The following STKLD1 variants were observed in gnomAD, a reference collection of about 807,000 sequenced individuals.
The protein encoded by STKLD1 is serine/threonine kinase like domain containing 1.
Under a neutral mutation model 80.4 loss-of-function variants are expected in STKLD1, and 79 were observed. The observed-to-expected ratio is 0.98, with a 90% CI of 0.82 to 1.19. The LOEUF (loss-of-function observed/expected upper bound fraction) is 1.19, where lower values mean the gene tolerates loss of function less well. STKLD1 is among the 50% of genes most tolerant of loss of function. STKLD1 has a pLI of 0.00. For synonymous variants in STKLD1, 393 were observed against 357.6 expected, an observed-to-expected ratio of 1.10 and a Z score of -1.12; for missense variants, 841 against 856.0, an observed-to-expected ratio of 0.98 and a Z score of 0.22.
At chr9:133,382,757 AATG>A (rs1172843797) in intron 2 of STKLD1, among the ~76,000 whole-genome samples, 3 of 109,602 alleles carry the variant, frequency 2.7e-5, no homozygotes, top group Middle Eastern at 7.2e-3. Context: ...TGATGATGGT[AATG>A]ATGGTGATGA....
rs1838217048 is a variant in STKLD1, at chr9:133,384,296, C to T, written c.219+396C>T. 5.5e-6 allele frequency: 1 copy of T among 180,808 alleles called. No individual in the cohort carries two copies. The highest frequency in any genetic ancestry group is 1.1e-4 in the South Asian group (1 of 9,054). The allele number at this position is 180,808 out of a possible 1,614,324, so 11.2% of individuals were successfully genotyped here. ...TCAACCAAAAATACAAAAAAATTAG[C>T]TGGGCATGGTGGTGGGCACCTGTAA... On this transcript the variant is annotated intron_variant, in intron 3 of 17. Coordinates refer to ENST00000371957, the MANE Select transcript of STKLD1 (RefSeq NM_153710.5). This position sits in a 1 kb window ranked among gnomAD's most constrained non-coding sequence, Gnocchi z 4.3.
In STKLD1 at chr9:133,385,913, G is replaced by A. The variant is rs1022219113; in HGVS notation, c.294+222G>A. The stretch of plus-strand genomic sequence containing the variant: ...TCATAGGAGCCCCAAAAACCTCATC[G>A]TCAGGAGAGTTTTTTTTTTTTTTGG... On this transcript the variant is annotated intron_variant, in intron 4 of 17. Coordinates refer to ENST00000371957, the MANE Select transcript of STKLD1 (RefSeq NM_153710.5). The surrounding 1 kb of genome is among the most constrained non-coding windows in gnomAD (Gnocchi z 4.9). Among the ~76,000 whole-genome samples the A allele has an allele frequency of 5.3e-5, 8 of 151,652 alleles. No individual in the cohort carries two copies. Among genetic ancestry groups the A allele is most frequent in the East Asian group, 1.9e-4 (1 of 5,170 alleles).
rs200614927 is a variant in STKLD1 at position 133,397,212 on chromosome 9, C to A, written c.915C>A (p.Cys305Ter). Residue 305 changes from cysteine (C) to a stop codon, truncating the protein, a stop_gained, in exon 10 of 18, where the codon TGC becomes TGA. Coordinates refer to ENST00000371957, the MANE Select transcript of STKLD1 (RefSeq NM_153710.5). LOFTEE classifies it high-confidence loss of function. ...TGAGAGGCTCCTTCAAGTCCTCGTG[C>A]GTCTCTCTGACCCTGCACCGGCAGA... ...TFLRGSFKSSCVSLTLHRQMV... is the reference protein window; with the variant it reads ...TFLRGSFKSS 6.3e-5 allele frequency: 101 copies of A among 1,613,834 alleles called. No individual in the cohort carries two copies. Among genetic ancestry groups the A allele is most frequent in the Non-Finnish European group, 2.1e-5 (25 of 1,180,018 alleles).
chr9:133,388,857 G>C lies in STKLD1; in HGVS notation c.397-669G>C, dbSNP rs2130282976. The stretch of plus-strand genomic sequence containing the variant: ...CTCTTACCATGGGCCTCAGAGGCAG[G>C]CCCGGAGTGAGTTTCAGACTTTGTG... On this transcript the variant is annotated intron_variant, in intron 5 of 17. Coordinates refer to ENST00000371957, the MANE Select transcript of STKLD1 (RefSeq NM_153710.5). 5 of 985,366 alleles carry C rather than the reference G, an allele frequency of 5.1e-6. No homozygotes were observed. In the African/African-American group the frequency reaches 5.2e-5, roughly 10 times the overall value. 61.0% of individuals were successfully genotyped at this position (985,366 alleles called of 1,614,324 possible). A position where few individuals can be genotyped will look rare whatever the true frequency, so the allele number is the denominator to read the frequency against.
chr9:133,387,693 A>G, intron 5 of STKLD1, 145 bp downstream of exon 5: 1 of 714,984 alleles, frequency 1.4e-6, no homozygotes, highest in Admixed American at 2.0e-5. Flanking sequence ...GAGGCATTGC[A>G]CTCTAGGTAA....
intron 2 of STKLD1, among the ~76,000 whole-genome samples, chr9:133,380,337 G>T (rs146724290): frequency 0.014 from 2,084 of 151,382 alleles, 63 homozygotes; most frequent in African/African-American, 0.047. Context: ...GAGCCACCGC[G>T]TCCGGCCTGA....
intron 2 of STKLD1, among the ~76,000 whole-genome samples, chr9:133,380,197 G>A (rs2130262901): frequency 4.6e-5 from 7 of 152,052 alleles, no homozygotes; most frequent in East Asian, 1.9e-4. Flanking sequence ...TGCCACGCCC[G>A]GCTAATTTTT....
In STKLD1 at chr9:133,389,461, T is replaced by G; in HGVS notation, c.397-65T>G. On this transcript the variant is annotated intron_variant, in intron 5 of 17. Coordinates refer to ENST00000371957, the MANE Select transcript of STKLD1 (RefSeq NM_153710.5). The surrounding 1 kb of genome is among the most constrained non-coding windows in gnomAD (Gnocchi z 6.4). ...CCACCATCCTGCTGGCTGCTCTGAG[T>G]GTCACCCCCCTGAAAGCAGCACAGG... 1.5e-5 allele frequency: 24 copies of G among 1,587,128 alleles called. No individual in the cohort carries two copies. Among genetic ancestry groups the G allele is most frequent in the Non-Finnish European group, 2.1e-5 (24 of 1,167,104 alleles).
In STKLD1 at chr9:133,404,033, CTGG is replaced by C; in HGVS notation, c.1720_1722del (p.Val574del). On this transcript the variant is annotated inframe_deletion, in exon 16 of 18. Coordinates refer to ENST00000371957, the MANE Select transcript of STKLD1 (RefSeq NM_153710.5). ...CAATGCCTACCGGGGACTGGCCAGC[CTGG>C]TGAAGGTGTCAGGTGAGCCTGGGGA... 1 of 1,606,554 alleles carries C rather than the reference CTGG, an allele frequency of 6.2e-7. No homozygotes were observed. The highest frequency in any genetic ancestry group is 8.5e-7 in the Non-Finnish European group (1 of 1,176,682).
At chr9:133,379,493 C>G (rs2130261144) in intron 2 of STKLD1, among the ~76,000 whole-genome samples, 1 of 152,320 alleles carries the variant, frequency 6.6e-6, no homozygotes, top group South Asian at 2.1e-4. Context: ...CACACAATTT[C>G]CAAGAGGATT....
In STKLD1 at chr9:133,404,019, G is replaced by A. The variant is rs17150554; in HGVS notation, c.1703G>A (p.Arg568Gln). Residue 568 changes from arginine to glutamine, a missense_variant, in exon 16 of 18, where the codon CGG (arginine) becomes CAG (glutamine). Arg to Gln is a conservative substitution (Grantham distance 43). Transcript: ENST00000371957. The part of the protein sequence containing the change: ...DRALLVNNAY[R>Q]GLASLVKVSE... Reference sequence around the variant, plus strand: ...GCCCTGCTGGTGAACAATGCCTACCGGGGACTGGCCAGCCTGGTGAAGGTG... The same window carrying A: ...GCCCTGCTGGTGAACAATGCCTACCAGGGACTGGCCAGCCTGGTGAAGGTG... 117,235 of 1,609,876 alleles carry A rather than the reference G, an allele frequency of 0.073. 4,863 individuals carry two copies. The highest frequency in any genetic ancestry group is 0.085 in the Non-Finnish European group (100,458 of 1,178,128).
In STKLD1 at chr9:133,405,602, C is replaced by A. The variant is rs1838838097; in HGVS notation, c.*181C>A. ...GGATTGAGTCACATGAGTAACTGCT[C>A]CTGGACCCGGGGACTGTCCACGAAA... On this transcript the variant is annotated 3_prime_UTR_variant, in exon 18 of 18. Transcript: ENST00000371957. 1 of 556,228 alleles carries A rather than the reference C, an allele frequency of 1.8e-6. No homozygotes were observed. Among genetic ancestry groups the A allele is most frequent in the African/African-American group, 2.0e-5 (1 of 51,030 alleles). 34.5% of individuals were successfully genotyped at this position (556,228 alleles called of 1,614,324 possible).
At chr9:133,383,800 A>G in intron 2 of STKLD1, 56 bp from the exon 3 acceptor site, 1 of 1,553,494 alleles carries the variant, frequency 6.4e-7, no homozygotes, top group Non-Finnish European at 8.9e-7. Flanking sequence ...GATGGCGGTG[A>G]TAACGGAGAT....
rs1711667184 is a variant in STKLD1, at chr9:133,400,397, C to T, written c.1082-16C>T. 2 of 1,602,666 alleles carry T rather than the reference C, an allele frequency of 1.2e-6. No homozygotes were observed. The highest frequency in any genetic ancestry group is 2.2e-5 in the South Asian group (2 of 90,906). The stretch of plus-strand genomic sequence containing the variant: ...TGGCCCAAAATGAGTCTCCCCTGTG[C>T]CGCCCGCCCTGCCAGGTCTGCCGTG... On this transcript the variant is annotated splice_polypyrimidine_tract_variant and intron_variant, in intron 11 of 17. Transcript: ENST00000371957.
At chr9:133,401,507 T>C (rs7042326) in intron 12 of STKLD1, among the ~76,000 whole-genome samples, 17,924 of 152,226 alleles carry the variant, frequency 0.12, 1,393 homozygotes, top group African/African-American at 0.22. Context: ...GCTGCCTGAC[T>C]GGCTCCCAGG....
intron 14 of STKLD1, 151 bp from the exon 15 acceptor site, chr9:133,403,549 C>A: frequency 2.0e-6 from 2 of 996,612 alleles, no homozygotes; most frequent in African/African-American, 1.6e-5. Context: ...CTGGGCTAAC[C>A]CCTGCACCCG....
Position 133,394,998 on chromosome 9 carries a change from G to A in STKLD1, c.702+589G>A, listed in dbSNP as rs781885353. The stretch of plus-strand genomic sequence containing the variant: ...GGGAGGCAGGGAAGTCCAGCCTGTC[G>A]CTTCCTATCCTCTATATGCAGAAGA... On this transcript the variant is annotated intron_variant, in intron 8 of 17. Coordinates refer to ENST00000371957, the MANE Select transcript of STKLD1 (RefSeq NM_153710.5). This position sits in a 1 kb window ranked among gnomAD's most constrained non-coding sequence, Gnocchi z 4.9. Among the ~76,000 whole-genome samples the A allele has an allele frequency of 2.0e-5, 3 of 152,294 alleles. No homozygotes were observed. Among genetic ancestry groups the A allele is most frequent in the East Asian group, 1.9e-4 (1 of 5,172 alleles).
At position 133,400,444 on chromosome 9, in the gene STKLD1, G is replaced by C; in HGVS notation, c.1113G>C (p.Val371=). ...CGTGGCCCCCGGAGCTGGTGGAGGT[G>C]GTGGTCACGACCATGGAGCTACATG... is the stretch of plus-strand genomic sequence containing the variant. ...GLPWPPELVE[V]VVTTMELHDR... Residue 371 remains valine, a synonymous_variant, in exon 12 of 18, where the codon GTG becomes GTC. Coordinates refer to ENST00000371957, the MANE Select transcript of STKLD1 (RefSeq NM_153710.5). The C allele has an allele frequency of 6.2e-7, 1 of 1,613,264 alleles. No homozygotes were observed. Among genetic ancestry groups the C allele is most frequent in the South Asian group, 1.1e-5 (1 of 91,080 alleles).
At position 133,398,060 on chromosome 9, in the gene STKLD1, G is replaced by T; in HGVS notation, c.1081+5G>T. The T allele has an allele frequency of 6.2e-7, 1 of 1,612,700 alleles. No individual in the cohort carries two copies. Among genetic ancestry groups the T allele is most frequent in the South Asian group, 1.1e-5 (1 of 90,892 alleles). The stretch of plus-strand genomic sequence containing the variant: ...AAATGCCTGCAGATCAGCTAGGTAG[G>T]CCCCACCCTGCACCCCTTTCCCAGC... On this transcript the variant is annotated splice_donor_5th_base_variant and intron_variant, in intron 11 of 17. Coordinates refer to ENST00000371957, the MANE Select transcript of STKLD1 (RefSeq NM_153710.5).
Sources: gnomAD v4.1 joint callset for allele counts (sites outside exome capture counted in the v4.1 genomes callset) on GRCh38, gnomAD v4.1.1 for gene constraint, Gnocchi (gnomAD v3.1) non-coding constraint, MANE v1.5 for transcripts, NCBI Gene and HGNC (gene_info 2026-07-23, HGNC 2026-07-21) for gene names.